Variants in ITGA8 observed in about 807,000 individuals in gnomAD.
ITGA8 encodes integrin alpha-8.
ITGA8 carries 91 observed loss-of-function variants against 142.3 expected under a neutral mutation model. The ratio of observed to expected loss-of-function variants is 0.64; its 90% CI spans 0.54 to 0.76. ITGA8 has a LOEUF of 0.76. Ranked by LOEUF, ITGA8 falls within the 30% of genes least tolerant of loss-of-function variation. ITGA8 has a pLI of 0.00. For synonymous variants in ITGA8, 505 were observed against 485.2 expected (o/e 1.04, Z -0.54); for missense variants, 1,406 against 1,327.7 (o/e 1.06, Z -0.92).
At chr10:15,581,622 T>C (rs1834408335) in intron 23 of ITGA8, among the ~76,000 whole-genome samples, 1 of 152,146 alleles carries the variant, frequency 6.6e-6, no homozygotes, top group African/African-American at 2.4e-5. Flanking sequence ...GGATAAACTT[T>C]TACATATGCA....
intron 27 of ITGA8, among the ~76,000 whole-genome samples, chr10:15,547,588 CA>C (rs995180561): frequency 2.6e-5 from 4 of 151,858 alleles, no homozygotes; most frequent in African/African-American, 9.6e-5. Flanking sequence ...GCAACAACAA[CA>C]AAAAAAAGTG....
intron 13 of ITGA8, among the ~76,000 whole-genome samples, chr10:15,639,479 A>G (rs917648623): frequency 1.3e-5 from 2 of 152,330 alleles, no homozygotes; most frequent in East Asian, 3.9e-4. Flanking sequence ...AGCCCTACAG[A>G]TAACATGCAT....
rs191090760 is a variant in ITGA8 at position 15,625,533 on chromosome 10, T to C, written c.1400-8974A>G. On this transcript the variant is annotated intron_variant, in intron 13 of 29. Transcript: ENST00000378076. ...TATGTAGCTGCCTATTGGAAAGTGT[T>C]TCACAGTCTCCAGAAGAGCGTGATA... 4.6e-4 allele frequency among the ~76,000 whole-genome samples: 70 copies of C among 152,366 alleles called. No homozygotes were observed. In the East Asian group the frequency reaches 8.5e-3, roughly 18 times the overall value.
At chr10:15,567,987 A>G (rs997993314) in intron 25 of ITGA8, among the ~76,000 whole-genome samples, 1 of 152,202 alleles carries the variant, frequency 6.6e-6, no homozygotes, top group Non-Finnish European at 1.5e-5. Flanking sequence ...ATCATAGCTC[A>G]CTGCAGCCTC....
intron 2 of ITGA8, among the ~76,000 whole-genome samples, chr10:15,716,797 A>G (rs552656835): frequency 6.6e-6 from 1 of 151,548 alleles, no homozygotes. Flanking sequence ...CAGCCTCCCA[A>G]GTAGCTGGGA....
intron 27 of ITGA8, among the ~76,000 whole-genome samples, chr10:15,532,289 G>C (rs11259726): frequency 0.51 from 77,122 of 151,332 alleles, 23,622 homozygotes; most frequent in Middle Eastern, 0.67. Context: ...CATGGTGGCG[G>C]GTCCCTATAA....
chr10:15,719,652 G>A lies in ITGA8; in HGVS notation c.120C>T (p.Asn40=), dbSNP rs1421992928. The part of the protein sequence containing the change: ...LLWSPACQAF[N]LDVEKLTVYS... ...ACACTGTGAGCTTTTCCACGTCCAG[G>A]TTGAACGCCTGACAGGCGGGGGACC... Residue 40 remains asparagine, a synonymous_variant, in exon 1 of 30, where the codon AAC becomes AAT. Transcript: ENST00000378076. 2.0e-6 allele frequency: 3 copies of A among 1,524,060 alleles called. No individual in the cohort carries two copies. Among genetic ancestry groups the A allele is most frequent in the Non-Finnish European group, 2.6e-6 (3 of 1,145,860 alleles). 94.4% of individuals were successfully genotyped at this position (1,524,060 alleles called of 1,614,324 possible). A position where few individuals can be genotyped will look rare whatever the true frequency, so the allele number is the denominator to read the frequency against.
chr10:15,703,855 A>G (rs915398274), intron 2 of ITGA8, among the ~76,000 whole-genome samples: 7 of 151,712 alleles, frequency 4.6e-5, no homozygotes, highest in Non-Finnish European at 7.4e-5. Flanking sequence ...CCAAAACACA[A>G]AAGCCCCCCA....
intron 27 of ITGA8, among the ~76,000 whole-genome samples, chr10:15,537,295 A>G (rs1833465227): frequency 6.6e-6 from 1 of 152,234 alleles, no homozygotes; most frequent in African/African-American, 2.4e-5. Context: ...AGATTATAAT[A>G]ACGCATTCCT....
rs11259728 is a variant in ITGA8, at chr10:15,534,893, G to T, written c.2881-3742C>A. 4.6e-3 allele frequency among the ~76,000 whole-genome samples: 702 copies of T among 152,296 alleles called. 42 individuals carry two copies. The East Asian group carries it at 0.12, about 25-fold the overall frequency. On this transcript the variant is annotated intron_variant, in intron 27 of 29. Coordinates refer to ENST00000378076, the MANE Select transcript of ITGA8 (RefSeq NM_003638.3). ...GCACTTGAGGAGCCCTTCAGCCCGC[G>T]GCTGCACTGTGGGAGCCCCTTCCTG...
chr10:15,634,985 T>C (rs867216136), intron 13 of ITGA8, among the ~76,000 whole-genome samples: 9 of 151,452 alleles, frequency 5.9e-5, no homozygotes, highest in Non-Finnish European at 1.2e-4. Context: ...TCACTAAATA[T>C]TTTTTCTTTC....
intron 11 of ITGA8, among the ~76,000 whole-genome samples, chr10:15,648,008 T>C (rs1476978584): frequency 1.3e-5 from 2 of 152,204 alleles, no homozygotes; most frequent in East Asian, 3.9e-4. Flanking sequence ...TATTTAGAGA[T>C]AAAGATATAA....
chr10:15,673,107 A>G (rs9333103), intron 6 of ITGA8, among the ~76,000 whole-genome samples: 120,037 of 152,122 alleles, frequency 0.79, 48,618 homozygotes, highest in Middle Eastern at 0.88. Context: ...TTTTTGGGAC[A>G]GAGTCTCGCA....
intron 2 of ITGA8, among the ~76,000 whole-genome samples, chr10:15,688,302 C>CAAAAAAAAAA (rs35060475): frequency 3.5e-5 from 4 of 112,798 alleles, no homozygotes; most frequent in Non-Finnish European, 1.7e-5. Context: ...CAAAAAATAC[C>CAAAAAAAAAA]AAAAAAAAAA....
chr10:15,523,840 G>A (rs1273462665), intron 28 of ITGA8, among the ~76,000 whole-genome samples: 1 of 151,954 alleles, frequency 6.6e-6, no homozygotes, highest in Admixed American at 6.6e-5. Flanking sequence ...GCTGAGGCAG[G>A]AGAATCACCT....
intron 13 of ITGA8, among the ~76,000 whole-genome samples, chr10:15,632,598 T>C (rs1455029448): frequency 2.0e-5 from 3 of 152,172 alleles, no homozygotes; most frequent in African/African-American, 4.8e-5. Context: ...AGCAGGTCGG[T>C]ATTTCAGGTT....
intron 6 of ITGA8, among the ~76,000 whole-genome samples, chr10:15,675,655 C>A (rs1834614568): frequency 6.6e-6 from 1 of 152,338 alleles, no homozygotes; most frequent in East Asian, 1.9e-4. Flanking sequence ...ATGATCCTTT[C>A]AAAACATAAT....
chr10:15,580,394 CA>C (rs1023369857), intron 23 of ITGA8, among the ~76,000 whole-genome samples: 2 of 151,976 alleles, frequency 1.3e-5, no homozygotes, highest in African/African-American at 4.8e-5. Flanking sequence ...AACCTTCGTA[CA>C]AAAAAATCCC....
chr10:15,644,869 G>A (rs984123555), intron 12 of ITGA8, among the ~76,000 whole-genome samples: 6 of 151,466 alleles, frequency 4.0e-5, no homozygotes, highest in East Asian at 2.0e-4. Context: ...CGAGGCGGGC[G>A]GATCATGAGG....
Sources: gnomAD v4.1 joint callset for allele counts (sites outside exome capture counted in the v4.1 genomes callset) on GRCh38, gnomAD v4.1.1 for gene constraint, MANE v1.5 for transcripts, NCBI Gene and HGNC (gene_info 2026-07-23, HGNC 2026-07-21) for gene names.